NMT2: variants seen among roughly 807,000 people sequenced by gnomAD.
NMT2 encodes the protein N-myristoyltransferase 2.
NMT2 carries 35 observed loss-of-function variants against 65.4 expected under a neutral mutation model. That is an observed-to-expected ratio of 0.54 (90% CI 0.41 to 0.71). NMT2 has a LOEUF of 0.71. Among genes scored for constraint, NMT2 ranks in the 30% least tolerant of loss-of-function variants. NMT2 has a pLI of 0.00. For missense variants in NMT2, 489 were observed against 611.3 expected (o/e 0.80, Z 2.11); for synonymous variants, 226 against 231.8 (o/e 0.98, Z 0.23).
At chr10:15,145,728 C>T (rs1371579932) in intron 1 of NMT2, among the ~76,000 whole-genome samples, 3 of 152,114 alleles carry the variant, frequency 2.0e-5, no homozygotes, top group Non-Finnish European at 4.4e-5. Context: ...TGAATTATAT[C>T]AAATGAAACA....
chr10:15,139,296 C>CTAT (rs3036146), intron 2 of NMT2, among the ~76,000 whole-genome samples: 27 of 147,624 alleles, frequency 1.8e-4, no homozygotes, highest in South Asian at 4.2e-4. Context: ...ATCTATCTAT[C>CTAT]CATCCATCCA....
In NMT2 at chr10:15,133,093, T is replaced by C. The variant is rs778103825; in HGVS notation, c.562A>G (p.Asn188Asp). Residue 188 changes from asparagine (N) to aspartate (D), a missense_variant, in exon 5 of 12, where the codon AAT becomes GAT. By Grantham distance (23) the Asn-to-Asp change is conservative. Coordinates refer to ENST00000378165, the MANE Select transcript of NMT2 (RefSeq NM_004808.3). The part of the protein sequence containing the change: ...LNENYVEDDD[N>D]MFRFDYSPEF... ...GGTGAATAGTCAAATCGGAACATAT[T>C]GTCATCATCTTCTACGTAATTCTCA... 2 of 1,614,178 alleles carry C rather than the reference T, an allele frequency of 1.2e-6. No homozygotes were observed. Among genetic ancestry groups the C allele is most frequent in the South Asian group, 1.1e-5 (1 of 91,086 alleles).
At chr10:15,149,876 C>T (rs1344187374) in intron 1 of NMT2, among the ~76,000 whole-genome samples, 2 of 152,160 alleles carry the variant, frequency 1.3e-5, no homozygotes, top group East Asian at 1.9e-4. Context: ...CCTACGTTGT[C>T]TCTCATTTAT....
chr10:15,134,060 G>A (rs1846384820), intron 3 of NMT2, among the ~76,000 whole-genome samples: 2 of 152,110 alleles, frequency 1.3e-5, no homozygotes, highest in African/African-American at 4.8e-5. Flanking sequence ...TCTTTTTACT[G>A]CATTTCCACA....
chr10:15,125,769 C>T (rs552277938), intron 8 of NMT2, among the ~76,000 whole-genome samples: 16 of 152,150 alleles, frequency 1.1e-4, no homozygotes, highest in South Asian at 6.2e-4. Context: ...TAGGTTCAAG[C>T]GATTCTCCTG....
intron 1 of NMT2, among the ~76,000 whole-genome samples, chr10:15,167,212 C>G (rs1048405655): frequency 6.6e-6 from 1 of 152,108 alleles, no homozygotes; most frequent in Non-Finnish European, 1.5e-5. Flanking sequence ...CTCGAACATT[C>G]GATACTTGCA....
intron 1 of NMT2, among the ~76,000 whole-genome samples, chr10:15,161,110 A>AAAAAAAAAC (rs1833180818): frequency 7.1e-6 from 1 of 140,016 alleles, no homozygotes; most frequent in Non-Finnish European, 1.6e-5. Flanking sequence ...AAAAAAAAAA[A>AAAAAAAAAC]CACAAAGAAA....
chr10:15,142,592 A>G (rs1246061288), intron 1 of NMT2, among the ~76,000 whole-genome samples: 1 of 152,244 alleles, frequency 6.6e-6, no homozygotes, highest in African/African-American at 2.4e-5. Context: ...CTATAGATTC[A>G]TATTTCCACT....
intron 1 of NMT2, among the ~76,000 whole-genome samples, chr10:15,149,562 ACAT>A (rs1564585179): frequency 9.1e-5 from 3 of 33,136 alleles, no homozygotes; most frequent in Non-Finnish European, 2.6e-4. Flanking sequence ...ATCATCACCA[ACAT>A]CATCACCACC....
At chr10:15,146,813 C>A (rs1188895578) in intron 1 of NMT2, among the ~76,000 whole-genome samples, 1 of 152,138 alleles carries the variant, frequency 6.6e-6, no homozygotes, top group Non-Finnish European at 1.5e-5. Context: ...TGACATCGGG[C>A]TGGGTGCAGC....
intron 1 of NMT2, among the ~76,000 whole-genome samples, chr10:15,149,526 T>C (rs1351786179): frequency 1.6e-4 from 7 of 43,334 alleles, no homozygotes; most frequent in East Asian, 7.6e-4. Flanking sequence ...ACCACCATCA[T>C]CACCATCATC....
chr10:15,109,498 G>A (rs1186263377), intron 11 of NMT2, among the ~76,000 whole-genome samples: 1 of 152,178 alleles, frequency 6.6e-6, no homozygotes, highest in African/African-American at 2.4e-5. Flanking sequence ...TTGAACCTGG[G>A]AGGCGGAGGT....
At chr10:15,166,619 C>T (rs1238869182) in intron 1 of NMT2, among the ~76,000 whole-genome samples, 1 of 152,180 alleles carries the variant, frequency 6.6e-6, no homozygotes, top group Non-Finnish European at 1.5e-5. Flanking sequence ...GAGTACAATA[C>T]ATCCATTATG....
Position 15,155,203 on chromosome 10 carries a change from T to G in NMT2, c.110+13300A>C, listed in dbSNP as rs553593691. 2.1e-5 allele frequency: 32 copies of G among 1,535,094 alleles called. No individual in the cohort carries two copies. The African/African-American group carries it at 4.1e-4, about 20-fold the overall frequency. On this transcript the variant is annotated intron_variant, in intron 1 of 11. Coordinates refer to ENST00000378165, the MANE Select transcript of NMT2 (RefSeq NM_004808.3). The stretch of plus-strand genomic sequence containing the variant: ...TTATAACCAAATCCTTTCTCTCCAG[T>G]GCTCAGAGCACGAAAGTTTTCTGTC...
chr10:15,112,194 A>AGGGC (rs1845552700), intron 10 of NMT2, among the ~76,000 whole-genome samples: 5 of 11,642 alleles, frequency 4.3e-4, no homozygotes, highest in African/African-American at 5.2e-4. Context: ...ATATATATAT[A>AGGGC]TATATATATA....
At chr10:15,129,921 A>AG (rs1846217293) in intron 7 of NMT2, among the ~76,000 whole-genome samples, 4 of 151,738 alleles carry the variant, frequency 2.6e-5, no homozygotes, top group Admixed American at 2.6e-4. Context: ...AAAAAAAAAA[A>AG]AAAAAAAAGT....
intron 1 of NMT2, among the ~76,000 whole-genome samples, chr10:15,165,163 CA>C (rs34775170): frequency 0.21 from 25,801 of 125,834 alleles, 2,763 homozygotes; most frequent in African/African-American, 0.33. Context: ...AACTCCATCT[CA>C]AAAAAAAAAA....
At position 15,106,645 on chromosome 10, in the gene NMT2, C is replaced by T; in HGVS notation, c.*2550G>A. On this transcript the variant is annotated 3_prime_UTR_variant, in exon 12 of 12. Coordinates refer to ENST00000378165, the MANE Select transcript of NMT2 (RefSeq NM_004808.3). ...GGGTTGGTCTTTAGAATCACGGCAACCTATAGAAAGGAGAGTTCCAACTCC... is the reference window on the plus strand; with the variant it reads ...GGGTTGGTCTTTAGAATCACGGCAATCTATAGAAAGGAGAGTTCCAACTCC... The T allele has an allele frequency of 1.0e-6, 1 of 985,404 alleles. No individual in the cohort carries two copies. The highest frequency in any genetic ancestry group is 1.2e-6 in the Non-Finnish European group (1 of 829,950). The allele number at this position is 985,404 out of a possible 1,614,324, so 61.0% of individuals were successfully genotyped here.
Position 15,130,149 on chromosome 10 carries a change from T to C in NMT2, c.883A>G (p.Thr295Ala). ...AGVVLPKPIA[T>A]CRYWHRSLNP... is the part of the protein sequence containing the mutation. ...GAAATATGGTACTGGTACCTGCATG[T>C]GGCTATGGGCTTAGGAAGAACCACT... The change falls in exon 7 of 12, where the codon ACA becomes GCA. Residue 295 changes from threonine (T) to alanine (A), a missense_variant. Coordinates refer to ENST00000378165, the MANE Select transcript of NMT2 (RefSeq NM_004808.3). 1 of 1,509,688 alleles carries C rather than the reference T, an allele frequency of 6.6e-7. No homozygotes were observed. The highest frequency in any genetic ancestry group is 8.9e-7 in the Non-Finnish European group (1 of 1,125,612). 93.5% of individuals were successfully genotyped at this position (1,509,688 alleles called of 1,614,324 possible). A position where few individuals can be genotyped will look rare whatever the true frequency, so the allele number is the denominator to read the frequency against.
Sources: allele counts gnomAD v4.1 joint callset (sites outside exome capture counted in the v4.1 genomes callset), GRCh38; gene constraint gnomAD v4.1.1; transcripts MANE v1.5; gene names NCBI Gene and HGNC (gene_info 2026-07-23, HGNC 2026-07-21).